The following LSAMP variants were observed in gnomAD, a reference collection of about 807,000 sequenced individuals.
The protein encoded by LSAMP is limbic system associated membrane protein.
A neutral mutation model predicts 38.6 loss-of-function variants in LSAMP; 7 were observed. The observed-to-expected ratio is 0.18, with a 90% confidence interval of 0.10 to 0.34. LSAMP has a LOEUF of 0.34. LSAMP is among the 10% of genes least tolerant of loss of function. LSAMP has a pLI of 1.00. For synonymous variants in LSAMP, 154 were observed against 166.8 expected (o/e 0.92, Z 0.59); for missense variants, 313 against 420.0 (o/e 0.75, Z 2.23).
chr3:115,954,952 TG>T (rs1559895461), intron 3 of LSAMP, among the ~76,000 whole-genome samples: 1 of 40,178 alleles, frequency 2.5e-5, no homozygotes, highest in African/African-American at 3.9e-5. Flanking sequence ...TTTCTGTTTT[TG>T]TTTTTGTTTT....
At chr3:116,412,843 A>C (rs1417007354) in intron 1 of LSAMP, among the ~76,000 whole-genome samples, 3 of 152,110 alleles carry the variant, frequency 2.0e-5, no homozygotes, top group African/African-American at 7.2e-5. Flanking sequence ...GCATCAGTAT[A>C]GTATTGGAAA....
chr3:116,384,819 AT>A (rs1289513669), intron 1 of LSAMP, among the ~76,000 whole-genome samples: 3 of 152,110 alleles, frequency 2.0e-5, no homozygotes, highest in African/African-American at 7.2e-5. Context: ...TTCTCACACT[AT>A]TTTATAAGTA....
At chr3:116,415,181 C>T (rs1363062050) in intron 1 of LSAMP, among the ~76,000 whole-genome samples, 2 of 151,664 alleles carry the variant, frequency 1.3e-5, no homozygotes, top group Non-Finnish European at 2.9e-5. Context: ...ACTAAAGGCT[C>T]TCCCTATCTT....
intron 3 of LSAMP, among the ~76,000 whole-genome samples, chr3:115,855,676 T>A (rs1935485141): frequency 6.6e-6 from 1 of 152,190 alleles, no homozygotes; most frequent in Non-Finnish European, 1.5e-5. Flanking sequence ...ATTCTCCTGC[T>A]CCTTTCTTTC....
At chr3:116,248,199 C>A (rs2046627771) in intron 1 of LSAMP, among the ~76,000 whole-genome samples, 1 of 152,038 alleles carries the variant, frequency 6.6e-6, no homozygotes, top group Admixed American at 6.5e-5. Context: ...CATTTGGGAG[C>A]AGGGAAGGGC....
intron 1 of LSAMP, among the ~76,000 whole-genome samples, chr3:116,406,298 T>C (rs904122725): frequency 6.6e-6 from 1 of 152,122 alleles, no homozygotes; most frequent in Non-Finnish European, 1.5e-5. Flanking sequence ...GCTCTTTCTA[T>C]GTCTTGGAAA....
chr3:116,181,086 T>A (rs1187040550), intron 1 of LSAMP, among the ~76,000 whole-genome samples: 9 of 152,026 alleles, frequency 5.9e-5, no homozygotes, highest in Non-Finnish European at 8.8e-5. Context: ...GCCAAAGAAG[T>A]AGTATTTGTT....
intron 1 of LSAMP, among the ~76,000 whole-genome samples, chr3:116,342,995 G>A (rs963890075): frequency 2.0e-5 from 3 of 152,070 alleles, no homozygotes; most frequent in Non-Finnish European, 4.4e-5. Flanking sequence ...GTTCCATTAT[G>A]TGTTAAGTAT....
At chr3:116,192,314 A>C (rs150298034) in intron 1 of LSAMP, among the ~76,000 whole-genome samples, 1 of 152,330 alleles carries the variant, frequency 6.6e-6, no homozygotes, top group East Asian at 1.9e-4. Flanking sequence ...AGGAAATGGA[A>C]CAAGAGCAGA....
At chr3:115,831,236 G>C (rs1440387161) in intron 6 of LSAMP, among the ~76,000 whole-genome samples, 1 of 152,138 alleles carries the variant, frequency 6.6e-6, no homozygotes, top group African/African-American at 2.4e-5. Context: ...GAATGGAAAG[G>C]CTGTTCACTT....
intron 1 of LSAMP, among the ~76,000 whole-genome samples, chr3:116,154,813 A>T (rs1709703415): frequency 6.6e-6 from 1 of 152,156 alleles, no homozygotes. Flanking sequence ...GGGGACTGGA[A>T]AAAAACCTTA....
rs1576480533 is a variant in LSAMP at position 116,282,179 on chromosome 3, G to T, written c.155+162698C>A. ...TGAAATAGTGAGAGTTTGGTTTGAT[G>T]TTACAAGGACAGAGGGAAAAATGCA... On this transcript the variant is annotated intron_variant, in intron 1 of 6. Transcript: ENST00000490035. 2.6e-5 allele frequency among the ~76,000 whole-genome samples: 4 copies of T among 152,292 alleles called. No homozygotes were observed. The Middle Eastern group carries it at 0.01, about 389-fold the overall frequency.
chr3:116,437,037 A>G (rs556862029), intron 1 of LSAMP, among the ~76,000 whole-genome samples: 401 of 131,186 alleles, frequency 3.1e-3, no homozygotes, highest in African/African-American at 0.011. Context: ...ATATATATAT[A>G]TGTGTATATA....
chr3:115,927,653 G>A (rs974149285), intron 3 of LSAMP, among the ~76,000 whole-genome samples: 2 of 151,986 alleles, frequency 1.3e-5, no homozygotes, highest in Non-Finnish European at 2.9e-5. Flanking sequence ...ACTCTGCTTC[G>A]GCCACATTGG....
chr3:115,847,579 G>A (rs1220436108), intron 4 of LSAMP, among the ~76,000 whole-genome samples: 1 of 152,154 alleles, frequency 6.6e-6, no homozygotes, highest in Non-Finnish European at 1.5e-5. Context: ...AAGACCAGGT[G>A]GAGGTAATTG....
intron 1 of LSAMP, among the ~76,000 whole-genome samples, chr3:116,338,457 T>C (rs1479949042): frequency 2.6e-5 from 4 of 152,058 alleles, no homozygotes; most frequent in African/African-American, 7.2e-5. Flanking sequence ...GTAGTAGACA[T>C]CTCCACATAC....
intron 6 of LSAMP, among the ~76,000 whole-genome samples, chr3:115,828,132 T>C (rs1934485956): frequency 6.6e-6 from 1 of 152,174 alleles, no homozygotes; most frequent in South Asian, 2.1e-4. Flanking sequence ...GTCAATACTA[T>C]CAAAACCTTT....
chr3:115,859,165 A>C (rs971823723), intron 3 of LSAMP, among the ~76,000 whole-genome samples: 1 of 152,130 alleles, frequency 6.6e-6, no homozygotes, highest in Non-Finnish European at 1.5e-5. Context: ...AGTGTTTGAC[A>C]ATGTTGCTGT....
intron 1 of LSAMP, among the ~76,000 whole-genome samples, chr3:116,159,779 A>G (rs765202664): frequency 6.6e-6 from 1 of 152,218 alleles, no homozygotes; most frequent in Non-Finnish European, 1.5e-5. Flanking sequence ...ATGCATGCTT[A>G]TGTTCACTGC....
Sources: allele counts gnomAD v4.1 joint callset (sites outside exome capture counted in the v4.1 genomes callset), GRCh38; gene constraint gnomAD v4.1.1; transcripts MANE v1.5; gene names NCBI Gene and HGNC (gene_info 2026-07-23, HGNC 2026-07-21).